ITIH6: variants seen among roughly 807,000 people sequenced by gnomAD.
ITIH6 encodes inter-alpha-trypsin inhibitor heavy chain family member 6, also known as inter-alpha-trypsin inhibitor heavy chain H6.
Under a neutral mutation model 58.2 loss-of-function variants are expected in ITIH6, and 60 were observed. The observed-to-expected ratio is 1.03, with a 90% CI of 0.84 to 1.28. The LOEUF (loss-of-function observed/expected upper bound fraction) is 1.28, where lower values mean the gene tolerates loss of function less well. Ranked by LOEUF, ITIH6 falls within the 50% of genes most tolerant of loss-of-function variation. The probability of loss-of-function intolerance (pLI) is 0.00; values close to 1 mark genes in which losing one functional copy is unlikely to be tolerated. For missense variants in ITIH6, 1,290 were observed against 1,021.1 expected (o/e 1.26, Z -3.59); for synonymous variants, 493 against 417.4 (o/e 1.18, Z -2.21).
At chrX:54,785,935 T>C (rs1929234761) in intron 5 of ITIH6, among the ~76,000 whole-genome samples, 1 of 111,072 alleles carries the variant, frequency 9.0e-6, no homozygotes, top group Non-Finnish European at 1.9e-5. Context: ...GTCACTTGGC[T>C]TCCACCACAG....
chrX:54,769,514 C>G (rs1466839333), intron 6 of ITIH6, among the ~76,000 whole-genome samples: 13 of 106,277 alleles, frequency 1.2e-4, no homozygotes, highest in African/African-American at 4.2e-4. Flanking sequence ...GTGGTTTTAT[C>G]TACTTTTGGT....
In ITIH6 at chrX:54,797,188, C is replaced by T. The variant is rs917130482; in HGVS notation, c.103-92G>A. Reference sequence around the variant, plus strand: ...TGGGAACCCAAGATTCCTACACAGGCCTCAAAGTATACAGGTGGATAAACT... The same window carrying T: ...TGGGAACCCAAGATTCCTACACAGGTCTCAAAGTATACAGGTGGATAAACT... On this transcript the variant is annotated intron_variant, in intron 1 of 12. Transcript: ENST00000218436. The T allele has an allele frequency of 3.9e-6, 3 of 762,154 alleles. No homozygotes were observed. In the East Asian group the frequency reaches 9.9e-5, roughly 25 times the overall value. The allele number at this position is 762,154 out of a possible 1,213,427, so 62.8% of individuals were successfully genotyped here. A position where few individuals can be genotyped will look rare whatever the true frequency, so the allele number is the denominator to read the frequency against.
rs1388642183 is a variant in ITIH6 at position 54,790,886 on chromosome X, C to G, written c.567G>C (p.Val189=). The G allele has an allele frequency of 4.1e-6, 5 of 1,212,206 alleles. No individual in the cohort carries two copies. The highest frequency in any genetic ancestry group is 5.6e-6 in the Non-Finnish European group (5 of 895,498). The stretch of plus-strand genomic sequence containing the variant: ...GGCCGGTCCTCAGGGGTGGTATGTG[C>G]ACATAGGAGATGCCTGTCCTTTCTG... ...TVSERTGISY[V]HIPPLRTGRL... Residue 189 remains valine (V), a synonymous_variant, in exon 4 of 13, where the codon GTG becomes GTC. Transcript: ENST00000218436.
At chrX:54,787,043 T>C (rs1462352884) in intron 5 of ITIH6, among the ~76,000 whole-genome samples, 1 of 111,153 alleles carries the variant, frequency 9.0e-6, no homozygotes, top group Non-Finnish European at 1.9e-5. Flanking sequence ...TACTAGTCAA[T>C]GCCTTCCATC....
chrX:54,792,347 G>C (rs779271900), intron 2 of ITIH6, among the ~76,000 whole-genome samples: 46 of 111,529 alleles, frequency 4.1e-4, no homozygotes, highest in Admixed American at 9.5e-4. Flanking sequence ...TCTACCTTTT[G>C]GCACACAGCA....
intron 2 of ITIH6, among the ~76,000 whole-genome samples, chrX:54,792,602 T>A (rs1184575740): frequency 9.0e-6 from 1 of 111,155 alleles, no homozygotes; most frequent in Admixed American, 9.6e-5. Flanking sequence ...TGGTAAAAAT[T>A]GTGAAAGAAG....
intron 5 of ITIH6, among the ~76,000 whole-genome samples, chrX:54,778,442 GTCTCAGC>G (rs1362301841): frequency 1.8e-5 from 2 of 111,335 alleles, no homozygotes; most frequent in Non-Finnish European, 3.8e-5. Context: ...TGGTCCACCC[GTCTCAGC>G]ATCCCAAAGT....
intron 6 of ITIH6, among the ~76,000 whole-genome samples, chrX:54,763,418 C>T (rs1159902223): frequency 1.8e-5 from 2 of 112,031 alleles, no homozygotes; most frequent in Non-Finnish European, 1.9e-5. Context: ...CGGGAATAGA[C>T]TGTAGAAGTG....
Position 54,757,288 on chromosome X carries a change from A to T in ITIH6, c.2786T>A (p.Met929Lys), listed in dbSNP as rs774329384. The change falls in exon 8 of 13, where the codon ATG (methionine) becomes AAG (lysine). Residue 929 changes from methionine (M) to lysine (K), a missense_variant. By Grantham distance (95) the Met-to-Lys change is moderately conservative (BLOSUM62 -1). Coordinates refer to ENST00000218436, the MANE Select transcript of ITIH6 (RefSeq NM_198510.3). ...TTSVLGEPLP[M>K]PFTPTLPPGR... is the part of the protein sequence containing the mutation. Reference sequence around the variant, plus strand: ...AGGGGGCAGAGTGGGAGTAAAGGGCATGGGGAGGGGTTCTCCAAGGACAGA... The same window carrying T: ...AGGGGGCAGAGTGGGAGTAAAGGGCTTGGGGAGGGGTTCTCCAAGGACAGA... 2.5e-6 allele frequency: 3 copies of T among 1,194,221 alleles called. No individual in the cohort carries two copies. The highest frequency in any genetic ancestry group is 1.9e-5 in the South Asian group (1 of 53,700).
At position 54,757,435 on chromosome X, in the gene ITIH6, T is replaced by C. The variant is rs1359539382; in HGVS notation, c.2639A>G (p.His880Arg). 8.3e-7 allele frequency: 1 copy of C among 1,207,146 alleles called. No individual in the cohort carries two copies. The highest frequency in any genetic ancestry group is 1.8e-5 in the African/African-American group (1 of 56,547). The stretch of plus-strand genomic sequence containing the variant: ...AGGAGGTAGTGGGGTTTGAGGCATA[T>C]GGGGGTTTGGGGTCTCAGGCTTGGA... Reference protein sequence around the residue: ...SLSKPETPNPHMPQTPLPPRP... With the variant: ...SLSKPETPNPRMPQTPLPPRP... Residue 880 changes from histidine (H) to arginine (R), a missense_variant, in exon 8 of 13, where the codon CAT becomes CGT. By Grantham distance (29) the His-to-Arg change is conservative (BLOSUM62 0). Coordinates refer to ENST00000218436, the MANE Select transcript of ITIH6 (RefSeq NM_198510.3).
chrX:54,780,535 A>C (rs1207733522), intron 5 of ITIH6, among the ~76,000 whole-genome samples: 1 of 111,990 alleles, frequency 8.9e-6, no homozygotes, highest in African/African-American at 3.2e-5. Context: ...CTCAGAGGGA[A>C]CTTTATAGCT....
At chrX:54,783,207 A>G (rs7876839) in intron 5 of ITIH6, among the ~76,000 whole-genome samples, 8,330 of 111,960 alleles carry the variant, frequency 0.074, 785 homozygotes, top group African/African-American at 0.26. Flanking sequence ...TAAAAGCCAT[A>G]TATGACAGAC....
chrX:54,758,228 C>T lies in ITIH6; in HGVS notation c.1846G>A (p.Ala616Thr), dbSNP rs975712258. ...GTCTGTCTCCTGGTCTCCTCACTGG[C>T]CTGTTTGGGTTGCACCATGACCAGT... ...TSLVMVQPKQ[A>T]SEETRRQTST... Residue 616 changes from alanine (A) to threonine (T), a missense_variant, in exon 8 of 13, where the codon GCC becomes ACC. Ala to Thr is a moderately conservative substitution (Grantham distance 58, BLOSUM62 0). Coordinates refer to ENST00000218436, the MANE Select transcript of ITIH6 (RefSeq NM_198510.3). 10 of 1,209,245 alleles carry T rather than the reference C, an allele frequency of 8.3e-6. No individual in the cohort carries two copies. The highest frequency in any genetic ancestry group is 1.0e-5 in the Non-Finnish European group (9 of 894,831).
At chrX:54,765,594 CTTTTTTTTT>C (rs1178444249) in intron 6 of ITIH6, among the ~76,000 whole-genome samples, 1 of 79,211 alleles carries the variant, frequency 1.3e-5, no homozygotes, top group South Asian at 6.4e-4. Context: ...TATTTCTTTT[CTTTTTTTTT>C]TTTTTTTTTT....
chrX:54,792,447 C>A (rs1351336616), intron 2 of ITIH6, among the ~76,000 whole-genome samples: 1 of 112,023 alleles, frequency 8.9e-6, no homozygotes, highest in Non-Finnish European at 1.9e-5. Context: ...GCACATTAAA[C>A]CCATGATCTC....
chrX:54,796,859 T>C, intron 2 of ITIH6, 83 bp downstream of exon 2: 1 of 978,252 alleles, frequency 1.0e-6, no homozygotes, highest in Non-Finnish European at 1.4e-6. Context: ...TCTTAATCAC[T>C]ATGCTCTGCT....
In ITIH6 at chrX:54,748,975, C is replaced by G. The variant is rs1213818942; in HGVS notation, c.*920G>C. The G allele has an allele frequency of 9.0e-6, 1 of 111,139 alleles. No individual in the cohort carries two copies. Among genetic ancestry groups the G allele is most frequent in the Non-Finnish European group, 1.9e-5 (1 of 53,078 alleles). 9.2% of individuals were successfully genotyped at this position (111,139 alleles called of 1,213,427 possible). A position where few individuals can be genotyped will look rare whatever the true frequency, so the allele number is the denominator to read the frequency against. ...TGCCACTCTGGCTCCCTGTCCCCAT[C>G]TTTTTATGTCTCTATACCCCTATGT... On this transcript the variant is annotated 3_prime_UTR_variant, in exon 13 of 13. Coordinates refer to ENST00000218436, the MANE Select transcript of ITIH6 (RefSeq NM_198510.3).
At chrX:54,759,369 G>T (rs951746028) in intron 7 of ITIH6, among the ~76,000 whole-genome samples, 1 of 111,793 alleles carries the variant, frequency 8.9e-6, no homozygotes, top group Non-Finnish European at 1.9e-5. Flanking sequence ...GGAGGCAGTG[G>T]GTAGAGGAGA....
At chrX:54,776,879 A>G (rs1242777701) in intron 5 of ITIH6, among the ~76,000 whole-genome samples, 2 of 111,754 alleles carry the variant, frequency 1.8e-5, no homozygotes, top group African/African-American at 6.5e-5. Context: ...TGCGGTGGCT[A>G]TTGGGAGAGT....
Sources: allele counts gnomAD v4.1 joint callset (sites outside exome capture counted in the v4.1 genomes callset), GRCh38; gene constraint gnomAD v4.1.1; transcripts MANE v1.5; gene names NCBI Gene and HGNC (gene_info 2026-07-23, HGNC 2026-07-21).